AMPH: variants seen among roughly 807,000 people sequenced by gnomAD.
The protein encoded by AMPH is amphiphysin, also known as amphiphysin (Stiff-Mann syndrome with breast cancer 128kD autoantigen).
A neutral mutation model predicts 99.1 loss-of-function variants in AMPH; 49 were observed. That is an observed-to-expected ratio of 0.49 (90% CI 0.39 to 0.63). The LOEUF (loss-of-function observed/expected upper bound fraction) is 0.63. Ranked by LOEUF, AMPH falls within the 20% of genes least tolerant of loss-of-function variation. AMPH has a pLI of 0.00. For synonymous variants in AMPH, 314 were observed against 317.3 expected (o/e 0.99, Z 0.11); for missense variants, 759 against 863.4 (o/e 0.88, Z 1.52).
intron 1 of AMPH, among the ~76,000 whole-genome samples, chr7:38,619,385 C>A (rs1200858162): frequency 3.3e-5 from 5 of 152,062 alleles, no homozygotes; most frequent in Non-Finnish European, 7.4e-5. Flanking sequence ...AATAAAAGAG[C>A]ACTAAAATAC....
At chr7:38,428,976 T>C (rs1222199973) in intron 14 of AMPH, 27 of 1,280,948 alleles carry the variant, frequency 2.1e-5, no homozygotes, top group Middle Eastern at 2.1e-4. Context: ...TACCACTCTG[T>C]TTCCTGTCCT....
intron 1 of AMPH, among the ~76,000 whole-genome samples, chr7:38,571,735 AAG>A: frequency 6.6e-6 from 1 of 151,826 alleles, no homozygotes; most frequent in South Asian, 2.1e-4. Context: ...ATAGTGAAGA[AAG>A]AGAAGTATGA....
At chr7:38,445,556 A>C (rs1786744306) in intron 11 of AMPH, among the ~76,000 whole-genome samples, 1 of 152,212 alleles carries the variant, frequency 6.6e-6, no homozygotes, top group Non-Finnish European at 1.5e-5. Flanking sequence ...AAGAGGTCCC[A>C]AAACTCAGTT....
chr7:38,428,940 T>C (rs1562747727), intron 14 of AMPH: 1 of 1,155,558 alleles, frequency 8.7e-7, no homozygotes, highest in Non-Finnish European at 1.2e-6. Flanking sequence ...CTTATGGTCT[T>C]CCTTTCCTAT....
At chr7:38,542,768 C>A (rs1332392902) in intron 1 of AMPH, among the ~76,000 whole-genome samples, 1 of 152,036 alleles carries the variant, frequency 6.6e-6, no homozygotes, top group Non-Finnish European at 1.5e-5. Context: ...CCAGCCTGAG[C>A]AACATGGCGA....
At chr7:38,466,558 C>T (rs573189587) in intron 7 of AMPH, among the ~76,000 whole-genome samples, 4 of 151,656 alleles carry the variant, frequency 2.6e-5, no homozygotes, top group African/African-American at 9.7e-5. Context: ...TAGGTCTGAA[C>T]ATGAAGACTG....
intron 1 of AMPH, 121 bp downstream of exon 1, chr7:38,631,162 C>CCCT: frequency 1.1e-6 from 1 of 888,778 alleles, no homozygotes; most frequent in Non-Finnish European, 1.4e-6. Context: ...TCCCTGGCCC[C>CCCT]GGCCCCGCTC....
At chr7:38,614,170 T>C (rs1224201250) in intron 1 of AMPH, among the ~76,000 whole-genome samples, 1 of 152,208 alleles carries the variant, frequency 6.6e-6, no homozygotes, top group Non-Finnish European at 1.5e-5. Flanking sequence ...AATGATGCTG[T>C]GAAATGCTAT....
rs142962296 is a variant in AMPH at position 38,436,285 on chromosome 7, G to T, written c.1121C>A (p.Ser374Ter). The T allele has an allele frequency of 6.2e-7, 1 of 1,613,772 alleles. No homozygotes were observed. Residue 374 changes from serine (S) to a stop codon, truncating the protein, a stop_gained, in exon 12 of 21, where the codon TCA (serine) becomes TAA (stop). Transcript: ENST00000356264. LOFTEE classifies it high-confidence loss of function. ...AGCACCTGATACCTGAGACATGGGTGAGTGGGTCACTCCAGCAGAACCTGC... is the reference window on the plus strand; with the variant it reads ...AGCACCTGATACCTGAGACATGGGTTAGTGGGTCACTCCAGCAGAACCTGC... ...TPAGSAGVTH[S>*]PMSQTLPWDL...
intron 1 of AMPH, among the ~76,000 whole-genome samples, chr7:38,627,443 AG>A (rs1399340482): frequency 6.6e-6 from 1 of 150,548 alleles, no homozygotes. Flanking sequence ...CCCAGCTACT[AG>A]GAAGATCGAG....
chr7:38,525,036 C>T (rs1187993237), intron 2 of AMPH, among the ~76,000 whole-genome samples: 4 of 151,750 alleles, frequency 2.6e-5, no homozygotes, highest in African/African-American at 9.7e-5. Context: ...GGCAGTGAGG[C>T]AGTATGCTTT....
intron 1 of AMPH, among the ~76,000 whole-genome samples, chr7:38,564,438 G>T (rs183242055): frequency 2.0e-5 from 3 of 152,202 alleles, no homozygotes; most frequent in African/African-American, 7.2e-5. Context: ...CTGGTAAGAG[G>T]GCTGGTGGTG....
chr7:38,603,286 A>C (rs754467594), intron 1 of AMPH, among the ~76,000 whole-genome samples: 2 of 145,210 alleles, frequency 1.4e-5, no homozygotes, highest in Admixed American at 1.4e-4. Flanking sequence ...ACTGCATTCC[A>C]GCCTGGTGAC....
At chr7:38,450,223 G>A (rs1270191018) in intron 11 of AMPH, among the ~76,000 whole-genome samples, 1 of 152,166 alleles carries the variant, frequency 6.6e-6, no homozygotes, top group Non-Finnish European at 1.5e-5. Context: ...GGAAATCTTT[G>A]ATCAGAGAAA....
At chr7:38,466,298 C>A in intron 7 of AMPH, 50 bp from the exon 8 acceptor site, 1 of 1,427,486 alleles carries the variant, frequency 7.0e-7, no homozygotes, top group South Asian at 1.3e-5. Flanking sequence ...AAAGACCAGT[C>A]AGTAAAAATA....
intron 11 of AMPH, among the ~76,000 whole-genome samples, chr7:38,441,338 A>C (rs1243022383): frequency 6.6e-6 from 1 of 152,268 alleles, no homozygotes; most frequent in South Asian, 2.1e-4. Context: ...AAAATAAGCA[A>C]TGGTATAAAA....
chr7:38,482,089 C>CCAAGTTAATAGCATAGCTATTA (rs1472844312), intron 5 of AMPH, among the ~76,000 whole-genome samples: 1 of 152,136 alleles, frequency 6.6e-6, no homozygotes, highest in South Asian at 2.1e-4. Context: ...TATCTCCTTT[C>CCAAGTTAATAGCATAGCTATTA]CAAGTTAATA....
intron 16 of AMPH, among the ~76,000 whole-genome samples, chr7:38,420,528 G>A (rs1785545085): frequency 6.6e-6 from 1 of 152,192 alleles, no homozygotes; most frequent in East Asian, 1.9e-4. Flanking sequence ...ACAGATATTG[G>A]TGGCAGCAGA....
At position 38,534,942 on chromosome 7, in the gene AMPH, T is replaced by C. The variant is rs1157638223; in HGVS notation, c.139A>G (p.Lys47Glu). ...ACAAATGGACTCACTTCTTGCCGTTTGAAGTTCTGGACATATTCTTCGAAC... is the reference window on the plus strand; with the variant it reads ...ACAAATGGACTCACTTCTTGCCGTTCGAAGTTCTGGACATATTCTTCGAAC... Reference protein sequence around the residue: ...EQFEEYVQNFKRQEAEGTRLQ... With the variant: ...EQFEEYVQNFERQEAEGTRLQ... The change falls in exon 2 of 21, where the codon AAA (lysine) becomes GAA (glutamate). Residue 47 changes from lysine to glutamate, a missense_variant. By Grantham distance (56) the Lys-to-Glu change is moderately conservative. Coordinates refer to ENST00000356264, the MANE Select transcript of AMPH (RefSeq NM_001635.4). The C allele has an allele frequency of 6.2e-7, 1 of 1,614,024 alleles. No individual in the cohort carries two copies. Among genetic ancestry groups the C allele is most frequent in the East Asian group, 2.2e-5 (1 of 44,862 alleles).
Sources: allele counts gnomAD v4.1 joint callset (sites outside exome capture counted in the v4.1 genomes callset), GRCh38; gene constraint gnomAD v4.1.1; transcripts MANE v1.5; gene names NCBI Gene and HGNC (gene_info 2026-07-23, HGNC 2026-07-21).